NAALADL2: variants seen among roughly 807,000 people sequenced by gnomAD.
The protein encoded by NAALADL2 is N-acetylated alpha-linked acidic dipeptidase like 2, also known as inactive N-acetylated-alpha-linked acidic dipeptidase-like protein 2.
Under a neutral mutation model 87.2 loss-of-function variants are expected in NAALADL2, and 76 were observed. The ratio of observed to expected loss-of-function variants is 0.87; its 90% CI spans 0.72 to 1.05. The LOEUF (loss-of-function observed/expected upper bound fraction) is 1.05, where lower values mean the gene tolerates loss of function less well. Among genes scored for constraint, NAALADL2 ranks in the 50% least tolerant of loss-of-function variants. NAALADL2 has a pLI of 0.00. For missense variants in NAALADL2, 1,089 were observed against 945.8 expected (o/e 1.15, Z -1.99); for synonymous variants, 354 against 331.0 (o/e 1.07, Z -0.75).
intron 11 of NAALADL2, among the ~76,000 whole-genome samples, chr3:175,658,834 G>T (rs80243379): frequency 6.6e-6 from 1 of 152,068 alleles, no homozygotes; most frequent in Non-Finnish European, 1.5e-5. Flanking sequence ...TTATCAAAAC[G>T]ATGTTTCCCA....
Position 175,410,640 on chromosome 3 carries a change from G to A in NAALADL2, c.1091-36589G>A, listed in dbSNP as rs139416550. The stretch of plus-strand genomic sequence containing the variant: ...ACTTAAATAATTTCACAAAAATGTT[G>A]AATTTTAACATATTTACATGATACA... On this transcript the variant is annotated intron_variant, in intron 5 of 13. Transcript: ENST00000454872. Among the ~76,000 whole-genome samples the A allele has an allele frequency of 3.9e-4, 59 of 152,160 alleles. No individual in the cohort carries two copies. In the East Asian group the frequency reaches 0.011, roughly 28 times the overall value.
intron 10 of NAALADL2, among the ~76,000 whole-genome samples, chr3:175,616,928 G>A (rs769657719): frequency 2.6e-5 from 4 of 151,958 alleles, no homozygotes; most frequent in South Asian, 4.1e-4. Context: ...TGGCGGTTGC[G>A]GTTCAGCGAA....
intron 1 of NAALADL2, among the ~76,000 whole-genome samples, chr3:175,021,904 T>A (rs778162707): frequency 2.6e-5 from 4 of 152,094 alleles, no homozygotes; most frequent in Non-Finnish European, 5.9e-5. Flanking sequence ...TGAAATGTGA[T>A]CTTCAATGTT....
intron 9 of NAALADL2, among the ~76,000 whole-genome samples, chr3:175,556,868 T>C (rs142257230): frequency 1.2e-4 from 19 of 152,320 alleles, no homozygotes; most frequent in African/African-American, 4.1e-4. Context: ...AGTCTCATTC[T>C]TAGAAACAGT....
upstream of NAALADL2, among the ~76,000 whole-genome samples, chr3:174,857,668 G>GGT (rs1273353123): frequency 6.6e-6 from 1 of 151,608 alleles, no homozygotes. Context: ...TATGTAGCAT[G>GGT]GTGTGTATAT....
chr3:174,694,596 G>A (rs534484655), intron 2 of NAALADL2, among the ~76,000 whole-genome samples: 6 of 152,066 alleles, frequency 3.9e-5, no homozygotes, highest in African/African-American at 1.4e-4. Context: ...AGATTCTAGG[G>A]CCTTCATTTT....
At chr3:175,036,408 C>CA (rs1553921357) in intron 1 of NAALADL2, among the ~76,000 whole-genome samples, 1 of 144,962 alleles carries the variant, frequency 6.9e-6, no homozygotes, top group Non-Finnish European at 1.5e-5. Context: ...TTTTCTTTTT[C>CA]TTTTTTTTTG....
At chr3:175,019,023 A>G (rs1202190671) in intron 1 of NAALADL2, among the ~76,000 whole-genome samples, 1 of 152,048 alleles carries the variant, frequency 6.6e-6, no homozygotes, top group Non-Finnish European at 1.5e-5. Context: ...GAAATATCAT[A>G]CTTGAATTAT....
intron 3 of NAALADL2, among the ~76,000 whole-genome samples, chr3:174,764,301 T>G (rs1254474408): frequency 2.0e-5 from 3 of 152,236 alleles, no homozygotes; most frequent in African/African-American, 7.2e-5. Flanking sequence ...GTGTACCAAA[T>G]GTACAATTCC....
At chr3:174,832,056 C>G (rs1193203433) in intron 3 of NAALADL2, among the ~76,000 whole-genome samples, 1 of 152,098 alleles carries the variant, frequency 6.6e-6, no homozygotes, top group African/African-American at 2.4e-5. Context: ...TTTCAAAAAA[C>G]CAGCTCCTGG....
At position 175,096,951 on chromosome 3, in the gene NAALADL2, G is replaced by A. The variant is rs757129602; in HGVS notation, c.205G>A (p.Ala69Thr). Residue 69 changes from alanine to threonine, a missense_variant, in exon 2 of 14, where the codon GCT (alanine) becomes ACT (threonine). Transcript: ENST00000454872. ...SGFDQFQLDG[A>T]ENQNLGHSET... is the part of the protein sequence containing the mutation. ...TTTTGACCAATTCCAGCTAGACGGTGCTGAGAATCAGAACCTAGGGCATTC... is the reference window on the plus strand; with the variant it reads ...TTTTGACCAATTCCAGCTAGACGGTACTGAGAATCAGAACCTAGGGCATTC... 11 of 1,613,276 alleles carry A rather than the reference G, an allele frequency of 6.8e-6. No individual in the cohort carries two copies. The highest frequency in any genetic ancestry group is 1.3e-5 in the African/African-American group (1 of 74,926).
chr3:174,993,681 A>C (rs985560452), intron 1 of NAALADL2, among the ~76,000 whole-genome samples: 1 of 152,178 alleles, frequency 6.6e-6, no homozygotes, highest in Non-Finnish European at 1.5e-5. Context: ...AAGAGTTAGA[A>C]AAATGAGGAG....
chr3:175,108,808 G>C (rs1014532132), intron 2 of NAALADL2, among the ~76,000 whole-genome samples: 2 of 151,852 alleles, frequency 1.3e-5, no homozygotes, highest in African/African-American at 2.4e-5. Context: ...TGTGGGCAAA[G>C]AGCAAAGATA....
intron 11 of NAALADL2, among the ~76,000 whole-genome samples, chr3:175,706,017 G>C (rs995099323): frequency 2.0e-5 from 3 of 152,026 alleles, no homozygotes; most frequent in Non-Finnish European, 2.9e-5. Flanking sequence ...ATAACACTTG[G>C]ACTTCAAATT....
chr3:175,008,721 C>CAG (rs1749379225), intron 1 of NAALADL2, among the ~76,000 whole-genome samples: 3 of 151,652 alleles, frequency 2.0e-5, no homozygotes, highest in African/African-American at 7.3e-5. Flanking sequence ...TACCCTACAA[C>CAG]GTTATAGGGT....
At chr3:175,284,919 T>C (rs6809621) in intron 4 of NAALADL2, among the ~76,000 whole-genome samples, 122,210 of 151,792 alleles carry the variant, frequency 0.81, 49,453 homozygotes, top group African/African-American at 0.89. Flanking sequence ...TAACATAAAG[T>C]GCCCAGTGTT....
chr3:174,622,769 G>T (rs558617740), intron 2 of NAALADL2, among the ~76,000 whole-genome samples: 477 of 152,304 alleles, frequency 3.1e-3, no homozygotes, highest in Non-Finnish European at 5.5e-3. Flanking sequence ...GGCCGGGCGC[G>T]GTGGCTCACG....
chr3:175,442,965 G>A (rs530680189), intron 5 of NAALADL2, among the ~76,000 whole-genome samples: 249 of 152,124 alleles, frequency 1.6e-3, no homozygotes, highest in African/African-American at 5.7e-3. Context: ...TCATAAATAC[G>A]CTTTAAAATA....
intron 1 of NAALADL2, among the ~76,000 whole-genome samples, chr3:174,930,428 A>C (rs1736692318): frequency 1.3e-5 from 2 of 151,740 alleles, no homozygotes; most frequent in Admixed American, 6.6e-5. Context: ...TGTTATTTTT[A>C]TTGTTTATAT....
Sources: gnomAD v4.1 joint callset for allele counts (sites outside exome capture counted in the v4.1 genomes callset) on GRCh38, gnomAD v4.1.1 for gene constraint, MANE v1.5 for transcripts, NCBI Gene and HGNC (gene_info 2026-07-23, HGNC 2026-07-21) for gene names.